The following PSAP variants were observed in gnomAD, a reference collection of about 807,000 sequenced individuals.
PSAP encodes the protein precursor of saposins.
A neutral mutation model predicts 66.0 loss-of-function variants in PSAP; 25 were observed. That is an observed-to-expected ratio of 0.38 (90% CI 0.28 to 0.53). The LOEUF (loss-of-function observed/expected upper bound fraction) is 0.53, where lower values mean the gene tolerates loss of function less well. PSAP is among the 20% of genes least tolerant of loss of function. The probability of loss-of-function intolerance (pLI) is 0.83; values close to 1 mark genes in which losing one functional copy is unlikely to be tolerated. For missense variants in PSAP, 649 were observed against 668.8 expected (o/e 0.97, Z 0.33); for synonymous variants, 273 against 258.9 (o/e 1.05, Z -0.52).
At chr10:71,826,135 C>T (rs1396566586) in intron 6 of PSAP, among the ~76,000 whole-genome samples, 1 of 152,206 alleles carries the variant, frequency 6.6e-6, no homozygotes, top group East Asian at 1.9e-4. Context: ...TCTTAAGGGA[C>T]CTTAAAGATT....
Position 71,817,312 on chromosome 10 carries a change from G to T in PSAP, c.*129C>A. On this transcript the variant is annotated 3_prime_UTR_variant, in exon 14 of 14. Transcript: ENST00000394936. The stretch of plus-strand genomic sequence containing the variant: ...CAGCAATGCTACAATAAAGGACACA[G>T]AAATGGGGGAGGTGGGGGAGCCCTA... 1 of 1,019,098 alleles carries T rather than the reference G, an allele frequency of 9.8e-7. No homozygotes were observed. Among genetic ancestry groups the T allele is most frequent in the Non-Finnish European group, 1.6e-6 (1 of 642,962 alleles). 63.1% of individuals were successfully genotyped at this position (1,019,098 alleles called of 1,614,324 possible).
Position 71,851,236 on chromosome 10 carries a change from C to A in PSAP, c.-15G>T, listed in dbSNP as rs1265099626. 6.4e-7 allele frequency: 1 copy of A among 1,550,956 alleles called. No individual in the cohort carries two copies. Among genetic ancestry groups the A allele is most frequent in the African/African-American group, 1.4e-5 (1 of 73,194 alleles). ...AGGGCGTACATAGCGCCGTCTGACTCCGCAGTCTGCAATGCGGAGCGTCAG... is the reference window on the plus strand; with the variant it reads ...AGGGCGTACATAGCGCCGTCTGACTACGCAGTCTGCAATGCGGAGCGTCAG... On this transcript the variant is annotated 5_prime_UTR_variant, in exon 1 of 14. Coordinates refer to ENST00000394936, the MANE Select transcript of PSAP (RefSeq NM_002778.4).
intron 2 of PSAP, among the ~76,000 whole-genome samples, chr10:71,832,483 C>A (rs1055745590): frequency 6.6e-6 from 1 of 152,220 alleles, no homozygotes; most frequent in Non-Finnish European, 1.5e-5. Context: ...CCCAGGCTCC[C>A]TTCTTGATGT....
chr10:71,846,998 G>A (rs1017544116), intron 1 of PSAP, among the ~76,000 whole-genome samples: 4 of 152,058 alleles, frequency 2.6e-5, no homozygotes, highest in Non-Finnish European at 4.4e-5. Context: ...GCTGTTCCCA[G>A]CCAGCAACAC....
chr10:71,816,945 TTCTAA>T lies in PSAP; in HGVS notation c.*491_*495del. On this transcript the variant is annotated 3_prime_UTR_variant, in exon 14 of 14. Coordinates refer to ENST00000394936, the MANE Select transcript of PSAP (RefSeq NM_002778.4). ...TTTAAAAAGCCTGATTATTCCAGGC[TTCTAA>T]TCTTTCATATAAAACTGCCTTTGTT... 1 of 205,612 alleles carries T rather than the reference TTCTAA, an allele frequency of 4.9e-6. No individual in the cohort carries two copies. 12.7% of individuals were successfully genotyped at this position (205,612 alleles called of 1,614,324 possible).
chr10:71,851,047 G>A lies in PSAP; in HGVS notation c.40+135C>T. 3 of 1,019,580 alleles carry A rather than the reference G, an allele frequency of 2.9e-6. No individual in the cohort carries two copies. The South Asian group carries it at 4.1e-5, about 14-fold the overall frequency. The allele number at this position is 1,019,580 out of a possible 1,614,324, so 63.2% of individuals were successfully genotyped here. On this transcript the variant is annotated intron_variant, in intron 1 of 13. Transcript: ENST00000394936. ...AGAAAGCCAGAGAAAGCCAGCGAAC[G>A]CGCCTGCGCAGTGCGCGCGCCCCCT...
intron 7 of PSAP, 102 bp downstream of exon 7, chr10:71,825,735 G>T: frequency 8.7e-7 from 1 of 1,149,364 alleles, no homozygotes; most frequent in Non-Finnish European, 1.3e-6. Flanking sequence ...GCACTCTAAG[G>T]TAAAAAAGGG....
In PSAP at chr10:71,833,581, G is replaced by GT. The variant is rs376220349; in HGVS notation, c.174+790dup. Among the ~76,000 whole-genome samples, 132 of 152,306 alleles carry GT rather than the reference G, an allele frequency of 8.7e-4. 2 individuals are homozygous for GT. Among genetic ancestry groups the GT allele is most frequent in the African/African-American group, 3.0e-3 (124 of 41,568 alleles). On this transcript the variant is annotated intron_variant, in intron 2 of 13. Transcript: ENST00000394936. ...AAGGAGCAGTAGTGGCCACTGACAA[G>GT]TTTTTTAGAACCCAAAGTCCACTCA... is the stretch of plus-strand genomic sequence containing the variant.
intron 1 of PSAP, among the ~76,000 whole-genome samples, chr10:71,845,829 ACC>A (rs1842812183): frequency 6.6e-6 from 1 of 152,116 alleles, no homozygotes; most frequent in African/African-American, 2.4e-5. Flanking sequence ...TGGCAGCTAA[ACC>A]TAGTTTGGCT....
chr10:71,848,925 C>T (rs1006960674), intron 1 of PSAP, among the ~76,000 whole-genome samples: 6 of 152,122 alleles, frequency 3.9e-5, no homozygotes, highest in African/African-American at 1.2e-4. Context: ...CGAGTGTTCA[C>T]GGAAGAGGGT....
At position 71,816,385 on chromosome 10, in the gene PSAP, C is replaced by G. The variant is rs900595051; in HGVS notation, c.*1056G>C. The stretch of plus-strand genomic sequence containing the variant: ...GTCCATTTAATAGCAACTTCATGTC[C>G]TGCTGGCTTTGCTTGCTGTCTCCTG... On this transcript the variant is annotated 3_prime_UTR_variant, in exon 14 of 14. Transcript: ENST00000394936. The G allele has an allele frequency of 8.5e-6, 4 of 470,932 alleles. No homozygotes were observed. Among genetic ancestry groups the G allele is most frequent in the African/African-American group, 2.0e-5 (1 of 50,072 alleles). 29.2% of individuals were successfully genotyped at this position (470,932 alleles called of 1,614,324 possible).
chr10:71,826,068 A>G (rs1842395064), intron 6 of PSAP, among the ~76,000 whole-genome samples, 175 bp from the exon 7 acceptor site: 1 of 152,224 alleles, frequency 6.6e-6, no homozygotes, highest in East Asian at 1.9e-4. Flanking sequence ...TGAAAATGAC[A>G]ATTTGGTTAC....
At chr10:71,821,331 A>T (rs1842297215) in intron 8 of PSAP, among the ~76,000 whole-genome samples, 1 of 152,394 alleles carries the variant, frequency 6.6e-6, no homozygotes, top group South Asian at 2.1e-4. Context: ...TCATCTGTTC[A>T]CCACAGCCCC....
intron 1 of PSAP, among the ~76,000 whole-genome samples, chr10:71,836,879 C>G (rs757213457): frequency 6.6e-6 from 1 of 152,302 alleles, no homozygotes; most frequent in Non-Finnish European, 1.5e-5. Flanking sequence ...AAACAATAAT[C>G]GTTTTCCATG....
At chr10:71,842,339 A>G (rs1462529672) in intron 1 of PSAP, among the ~76,000 whole-genome samples, 1 of 152,260 alleles carries the variant, frequency 6.6e-6, no homozygotes, top group Non-Finnish European at 1.5e-5. Flanking sequence ...TGTGTTTTGG[A>G]AAATATTTTT....
intron 2 of PSAP, among the ~76,000 whole-genome samples, chr10:71,834,052 G>A (rs1414369138): frequency 3.3e-5 from 5 of 152,230 alleles, no homozygotes; most frequent in Non-Finnish European, 7.3e-5. Flanking sequence ...TCTAAGGTGA[G>A]AAGTGGGATC....
chr10:71,824,016 G>T, intron 7 of PSAP: 1 of 695,190 alleles, frequency 1.4e-6, no homozygotes, highest in Non-Finnish European at 2.2e-6. Context: ...GTCCCAAGAG[G>T]TTCAGGGGAA....
chr10:71,835,922 T>C (rs556450101), intron 1 of PSAP, among the ~76,000 whole-genome samples: 3 of 151,196 alleles, frequency 2.0e-5, no homozygotes, highest in East Asian at 2.0e-4. Context: ...CAATTCTACA[T>C]ACGTGTGTAA....
chr10:71,818,523 A>C, intron 13 of PSAP, 94 bp downstream of exon 13: 1 of 1,071,758 alleles, frequency 9.3e-7, no homozygotes, highest in South Asian at 1.2e-5. Flanking sequence ...AGCAGGGTGG[A>C]GAGTTGATCA....
Sources: allele counts gnomAD v4.1 joint callset (sites outside exome capture counted in the v4.1 genomes callset), GRCh38; gene constraint gnomAD v4.1.1; transcripts MANE v1.5; gene names NCBI Gene and HGNC (gene_info 2026-07-23, HGNC 2026-07-21).